Variants in COL22A1 observed in about 807,000 individuals in gnomAD.
The protein encoded by COL22A1 is collagen type XXII alpha 1 chain.
Under a neutral mutation model 248.9 loss-of-function variants are expected in COL22A1, and 221 were observed. The ratio of observed to expected loss-of-function variants is 0.89; its 90% confidence interval spans 0.80 to 0.99. The LOEUF is 0.99. Among genes scored for constraint, COL22A1 ranks in the 50% least tolerant of loss-of-function variants. The probability of loss-of-function intolerance (pLI) is 0.00; values close to 1 mark genes in which losing one functional copy is unlikely to be tolerated. For synonymous variants in COL22A1, 891 were observed against 793.4 expected (o/e 1.12, Z -2.07); for missense variants, 2,240 against 2,179.0 (o/e 1.03, Z -0.56).
chr8:138,734,101 G>T (rs750777232), intron 23 of COL22A1, among the ~76,000 whole-genome samples: 7 of 152,128 alleles, frequency 4.6e-5, no homozygotes, highest in Non-Finnish European at 7.3e-5. Flanking sequence ...CACCCTTTCT[G>T]CCTCCAAACT....
intron 32 of COL22A1, 134 bp downstream of exon 32, chr8:138,699,978 G>T: frequency 1.2e-6 from 1 of 830,688 alleles, no homozygotes; most frequent in Non-Finnish European, 2.0e-6. Flanking sequence ...AAGCCCAGCA[G>T]CCCAGATCCC....
At chr8:138,708,008 C>A (rs1828621565) in intron 30 of COL22A1, among the ~76,000 whole-genome samples, 1 of 152,078 alleles carries the variant, frequency 6.6e-6, no homozygotes, top group Admixed American at 6.6e-5. Context: ...AAACAGAGAG[C>A]CAAATCACGA....
chr8:138,801,887 A>G (rs934649172), intron 11 of COL22A1, among the ~76,000 whole-genome samples: 2 of 151,896 alleles, frequency 1.3e-5, no homozygotes, highest in Non-Finnish European at 2.9e-5. Context: ...TCTCAAAAAA[A>G]AAAGGAAAGA....
chr8:138,812,298 A>G (rs1279769825), intron 8 of COL22A1, among the ~76,000 whole-genome samples: 1 of 152,152 alleles, frequency 6.6e-6, no homozygotes, highest in African/African-American at 2.4e-5. Context: ...ATGCCACAGA[A>G]GCCCTGAGCC....
chr8:138,782,513 G>C (rs1815105855), intron 12 of COL22A1, among the ~76,000 whole-genome samples: 1 of 152,174 alleles, frequency 6.6e-6, no homozygotes, highest in Non-Finnish European at 1.5e-5. Flanking sequence ...CCAAGTCTAG[G>C]CATGGGGGAT....
At chr8:138,760,318 A>C in intron 17 of COL22A1, 31 bp from the exon 18 acceptor site, 1 of 1,590,376 alleles carries the variant, frequency 6.3e-7, no homozygotes. Flanking sequence ...GCAGATTATG[A>C]TGGGCACTAC....
chr8:138,637,521 TA>T (rs1277927161), intron 47 of COL22A1, among the ~76,000 whole-genome samples: 9 of 152,172 alleles, frequency 5.9e-5, no homozygotes, highest in Non-Finnish European at 7.4e-5. Context: ...GAGAATAAAA[TA>T]ACAAATGGGA....
At chr8:138,842,027 A>G (rs987907512) in intron 4 of COL22A1, among the ~76,000 whole-genome samples, 1 of 152,208 alleles carries the variant, frequency 6.6e-6, no homozygotes, top group South Asian at 2.1e-4. Context: ...TTACCTAGAA[A>G]TACACATTGT....
chr8:138,803,884 A>G (rs1255205509), intron 10 of COL22A1, among the ~76,000 whole-genome samples: 1 of 152,170 alleles, frequency 6.6e-6, no homozygotes, highest in African/African-American at 2.4e-5. Flanking sequence ...TACTTTGCTT[A>G]TGCTATTCCC....
chr8:138,882,953 G>A lies in COL22A1; in HGVS notation c.91+129C>T, dbSNP rs181950690. On this transcript the variant is annotated intron_variant, in intron 2 of 64. Transcript: ENST00000303045. ...GGCAGCTGACTCACACTTGGATTCC[G>A]GACTCTCCCTCTCTCTCACACAGTC... 635 of 852,198 alleles carry A rather than the reference G, an allele frequency of 7.5e-4. 1 individual carries two copies. Among genetic ancestry groups the A allele is most frequent in the African/African-American group, 6.1e-3 (360 of 59,040 alleles). The allele number at this position is 852,198 out of a possible 1,614,324, so 52.8% of individuals were successfully genotyped here. A position where few individuals can be genotyped will look rare whatever the true frequency, so the allele number is the denominator to read the frequency against.
At chr8:138,802,848 G>A (rs1378410997) in intron 11 of COL22A1, 24 bp downstream of exon 11, 1 of 1,603,552 alleles carries the variant, frequency 6.2e-7, no homozygotes, top group Non-Finnish European at 8.5e-7. Context: ...GTTCAGCCAT[G>A]TAGAGGAGCA....
chr8:138,802,981 A>G, intron 10 of COL22A1, 47 bp from the exon 11 acceptor site: 2 of 1,490,762 alleles, frequency 1.3e-6, no homozygotes, highest in Non-Finnish European at 1.9e-6. Flanking sequence ...GTTTCCCGAC[A>G]GGGCTCTTGC....
At chr8:138,824,264 T>C (rs998843205) in intron 6 of COL22A1, among the ~76,000 whole-genome samples, 5 of 152,210 alleles carry the variant, frequency 3.3e-5, no homozygotes. Flanking sequence ...TAGCATGATA[T>C]AGAGCAAGGG....
At chr8:138,766,255 G>T (rs942616071) in intron 16 of COL22A1, among the ~76,000 whole-genome samples, 2 of 152,182 alleles carry the variant, frequency 1.3e-5, no homozygotes, top group African/African-American at 4.8e-5. Flanking sequence ...CTGCAGCTTA[G>T]GACAGCTGCA....
intron 41 of COL22A1, among the ~76,000 whole-genome samples, chr8:138,669,887 T>C (rs928741876): frequency 2.6e-5 from 1 of 38,606 alleles, no homozygotes; most frequent in Non-Finnish European, 1.5e-4. Context: ...TCCTAAGACT[T>C]TTTTTTTTTT....
At chr8:138,663,593 G>A (rs1297315401) in intron 42 of COL22A1, 112 bp downstream of exon 42, 2 of 821,656 alleles carry the variant, frequency 2.4e-6, no homozygotes, top group Non-Finnish European at 4.3e-6. Flanking sequence ...TCAATAATAG[G>A]AGGAAATTTC....
chr8:138,904,366 C>A (rs1814843197), intron 1 of COL22A1, among the ~76,000 whole-genome samples: 1 of 151,988 alleles, frequency 6.6e-6, no homozygotes, highest in Non-Finnish European at 1.5e-5. Context: ...CACCCGCCAC[C>A]CCCTGCTGGC....
intron 61 of COL22A1, among the ~76,000 whole-genome samples, chr8:138,598,250 G>T (rs78462374): frequency 6.6e-6 from 1 of 152,144 alleles, no homozygotes; most frequent in Admixed American, 6.5e-5. Context: ...GACGCAGGGG[G>T]ACGAAGGAGT....
intron 6 of COL22A1, 147 bp downstream of exon 6, chr8:138,826,511 G>C: frequency 2.6e-6 from 2 of 770,370 alleles, no homozygotes; most frequent in Non-Finnish European, 4.2e-6. Context: ...CCCCCTGCAG[G>C]TCCTCTGAGC....
Sources: allele counts gnomAD v4.1 joint callset (sites outside exome capture counted in the v4.1 genomes callset), GRCh38; gene constraint gnomAD v4.1.1; transcripts MANE v1.5; gene names NCBI Gene and HGNC (gene_info 2026-07-23, HGNC 2026-07-21).